The following PPM1H variants were observed in gnomAD, a reference collection of about 807,000 sequenced individuals.
PPM1H encodes protein phosphatase, Mg2+/Mn2+ dependent 1H.
PPM1H carries 27 observed loss-of-function variants against 54.9 expected under a neutral mutation model. The ratio of observed to expected loss-of-function variants is 0.49; its 90% CI spans 0.36 to 0.68. The LOEUF (loss-of-function observed/expected upper bound fraction) is 0.68, where lower values mean the gene tolerates loss of function less well. Among genes scored for constraint, PPM1H ranks in the 30% least tolerant of loss-of-function variants. PPM1H has a pLI of 0.00. For missense variants in PPM1H, 596 were observed against 667.8 expected, an observed-to-expected ratio of 0.89 and a Z score of 1.19; for synonymous variants, 305 against 270.8, an observed-to-expected ratio of 1.13 and a Z score of -1.24.
At chr12:62,801,718 A>G (rs879434827) in intron 3 of PPM1H, 98 bp downstream of exon 3, 17 of 1,349,226 alleles carry the variant, frequency 1.3e-5, no homozygotes, top group Non-Finnish European at 1.5e-5. Flanking sequence ...GCCAGGCAGC[A>G]AAACCGTGCG....
intron 1 of PPM1H, among the ~76,000 whole-genome samples, chr12:62,915,241 G>A (rs1871583704): frequency 6.6e-6 from 1 of 152,206 alleles, no homozygotes; most frequent in South Asian, 2.1e-4. Flanking sequence ...AGAAATCTCA[G>A]GACAAAAGAA....
At chr12:62,762,629 A>T (rs950300246) in intron 4 of PPM1H, among the ~76,000 whole-genome samples, 6 of 152,190 alleles carry the variant, frequency 3.9e-5, no homozygotes, top group African/African-American at 1.4e-4. Context: ...TACAATCTGC[A>T]TCCTTTTTAC....
At chr12:62,785,863 A>G (rs1373474350) in intron 4 of PPM1H, among the ~76,000 whole-genome samples, 2 of 63,800 alleles carry the variant, frequency 3.1e-5, no homozygotes, top group Non-Finnish European at 5.7e-5. Context: ...AAAATGAGGA[A>G]AAAAAAAAAA....
chr12:62,910,850 G>A (rs112415948), intron 1 of PPM1H, among the ~76,000 whole-genome samples: 33 of 152,156 alleles, frequency 2.2e-4, no homozygotes, highest in Admixed American at 2.1e-3. Flanking sequence ...GCAGCTGCCC[G>A]CAAGGAAGCT....
At chr12:62,843,392 C>A (rs892640889) in intron 1 of PPM1H, among the ~76,000 whole-genome samples, 2 of 152,146 alleles carry the variant, frequency 1.3e-5, no homozygotes, top group Non-Finnish European at 2.9e-5. Context: ...CAACTGTAAA[C>A]GTGAGAAAGG....
intron 1 of PPM1H, among the ~76,000 whole-genome samples, chr12:62,843,276 C>T (rs7133555): frequency 0.14 from 20,709 of 152,180 alleles, 1,503 homozygotes; most frequent in South Asian, 0.23. Flanking sequence ...GAGATGGCGC[C>T]ACTGCACTCC....
rs1872288382 is a variant in PPM1H at position 62,935,062 on chromosome 12, T to C, written c.-326A>G. ...CAGGTCCCTTCCCCGCCCCCTGCGC[T>C]CGGCTCCGGCGTGCGCTGAACTGAG... On this transcript the variant is annotated 5_prime_UTR_variant, in exon 1 of 10. Coordinates refer to ENST00000228705, the MANE Select transcript of PPM1H (RefSeq NM_020700.2). The C allele has an allele frequency of 1.2e-5, 2 of 171,564 alleles. No homozygotes were observed. Among genetic ancestry groups the C allele is most frequent in the South Asian group, 4.0e-4 (2 of 5,002 alleles). 10.6% of individuals were successfully genotyped at this position (171,564 alleles called of 1,614,324 possible).
intron 1 of PPM1H, among the ~76,000 whole-genome samples, chr12:62,932,581 C>T (rs1219851815): frequency 6.7e-6 from 1 of 148,446 alleles, no homozygotes; most frequent in Non-Finnish European, 1.5e-5. Flanking sequence ...ACAATTATAC[C>T]ACAGGGTATG....
At chr12:62,867,181 G>T (rs913325749) in intron 1 of PPM1H, among the ~76,000 whole-genome samples, 1 of 152,070 alleles carries the variant, frequency 6.6e-6, no homozygotes, top group African/African-American at 2.4e-5. Flanking sequence ...ATCTGGATTT[G>T]GAGCATTAAA....
intron 6 of PPM1H, among the ~76,000 whole-genome samples, chr12:62,712,469 C>T (rs1187145567): frequency 6.6e-6 from 1 of 152,150 alleles, no homozygotes; most frequent in African/African-American, 2.4e-5. Context: ...TGTAAAAAGC[C>T]TCCCCATGAG....
intron 6 of PPM1H, among the ~76,000 whole-genome samples, chr12:62,694,542 A>G (rs2076103089): frequency 6.6e-6 from 1 of 152,244 alleles, no homozygotes; most frequent in African/African-American, 2.4e-5. Flanking sequence ...CAATACACAG[A>G]AAGAACCTTC....
At chr12:62,925,671 T>A (rs1475871955) in intron 1 of PPM1H, among the ~76,000 whole-genome samples, 1 of 152,234 alleles carries the variant, frequency 6.6e-6, no homozygotes, top group African/African-American at 2.4e-5. Context: ...CTACATCATC[T>A]TATATTAACA....
chr12:62,875,730 A>G (rs1348207001), intron 1 of PPM1H, among the ~76,000 whole-genome samples: 1 of 152,188 alleles, frequency 6.6e-6, no homozygotes, highest in Non-Finnish European at 1.5e-5. Flanking sequence ...ATAAAAGAGC[A>G]CTGGGCTGGT....
At chr12:62,700,918 CT>C (rs2076140592) in intron 6 of PPM1H, among the ~76,000 whole-genome samples, 1 of 152,090 alleles carries the variant, frequency 6.6e-6, no homozygotes, top group Non-Finnish European at 1.5e-5. Flanking sequence ...CCCTTTCCTG[CT>C]TTATTTTTTT....
chr12:62,768,425 G>A (rs1285047706), intron 4 of PPM1H, among the ~76,000 whole-genome samples: 1 of 152,174 alleles, frequency 6.6e-6, no homozygotes, highest in African/African-American at 2.4e-5. Flanking sequence ...GGAGGCCAAG[G>A]TGGGCGGATC....
intron 9 of PPM1H, among the ~76,000 whole-genome samples, chr12:62,654,812 G>T (rs2136597303): frequency 6.6e-6 from 1 of 152,266 alleles, no homozygotes; most frequent in East Asian, 1.9e-4. Context: ...CCTCAGTCTT[G>T]TCAGGCAGCT....
chr12:62,857,955 CCTTAT>C (rs1263867156), intron 1 of PPM1H, among the ~76,000 whole-genome samples: 2 of 151,784 alleles, frequency 1.3e-5, no homozygotes, highest in African/African-American at 4.8e-5. Flanking sequence ...ATGTATATAC[CCTTAT>C]CTATTTGTCA....
intron 4 of PPM1H, among the ~76,000 whole-genome samples, chr12:62,762,105 C>A (rs550680237): frequency 7.4e-4 from 112 of 152,316 alleles, no homozygotes; most frequent in African/African-American, 2.7e-3. Flanking sequence ...TCTGCCAAGC[C>A]CCAAGTTTGC....
intron 2 of PPM1H, among the ~76,000 whole-genome samples, chr12:62,819,740 C>T (rs1436471837): frequency 1.3e-5 from 2 of 151,410 alleles, no homozygotes; most frequent in Admixed American, 6.6e-5. Context: ...AGATGAAACC[C>T]GAAATTAATT....
Sources: allele counts gnomAD v4.1 joint callset (sites outside exome capture counted in the v4.1 genomes callset), GRCh38; gene constraint gnomAD v4.1.1; transcripts MANE v1.5; gene names NCBI Gene and HGNC (gene_info 2026-07-23, HGNC 2026-07-21).